The following ZUP1 variants were observed in gnomAD, a reference collection of about 807,000 sequenced individuals.
ZUP1 encodes zinc finger-containing ubiquitin peptidase 1.
Under a neutral mutation model 68.1 loss-of-function variants are expected in ZUP1, and 55 were observed. The ratio of observed to expected loss-of-function variants is 0.81; its 90% confidence interval spans 0.65 to 1.01. The LOEUF (loss-of-function observed/expected upper bound fraction) is 1.01, where lower values mean the gene tolerates loss of function less well. ZUP1 is among the 50% of genes least tolerant of loss of function. ZUP1 has a pLI of 0.00. For synonymous variants in ZUP1, 223 were observed against 221.5 expected, an observed-to-expected ratio of 1.01 and a Z score of -0.06; for missense variants, 684 against 674.9, an observed-to-expected ratio of 1.01 and a Z score of -0.15.
Position 116,651,601 on chromosome 6 carries a change from T to C in ZUP1, c.1287A>G (p.Val429=), listed in dbSNP as rs898094898. The C allele has an allele frequency of 3.1e-6, 5 of 1,613,784 alleles. No individual in the cohort carries two copies. Among genetic ancestry groups the C allele is most frequent in the African/African-American group, 2.7e-5 (2 of 75,048 alleles). The change falls in exon 7 of 10, where the codon GTA becomes GTG. Residue 429 remains valine (V), a synonymous_variant. Transcript: ENST00000368576. ...CCCTTAGGGAGGTCAGGAGTATATA[T>C]ACTTCACATGCTCCAATCCAGGCCT... is the stretch of plus-strand genomic sequence containing the variant. ...GTKAWIGACE[V]YILLTSLRVK...
intron 3 of ZUP1, 86 bp from the exon 4 acceptor site, chr6:116,659,010 TA>T: frequency 8.4e-7 from 1 of 1,197,560 alleles, no homozygotes; most frequent in Non-Finnish European, 1.1e-6. Flanking sequence ...TAAAATAGAG[TA>T]AATGCTGTTA....
At chr6:116,644,531 C>G (rs1402050326) in intron 9 of ZUP1, among the ~76,000 whole-genome samples, 1 of 152,040 alleles carries the variant, frequency 6.6e-6, no homozygotes, top group Non-Finnish European at 1.5e-5. Context: ...GAGTTCATGT[C>G]CTTTGTAGGG....
chr6:116,666,524 T>G, intron 2 of ZUP1, 110 bp downstream of exon 2: 1 of 771,684 alleles, frequency 1.3e-6, no homozygotes, highest in Non-Finnish European at 1.9e-6. Flanking sequence ...AGACATAAAA[T>G]GGATTTCAAA....
intron 7 of ZUP1, among the ~76,000 whole-genome samples, chr6:116,649,748 T>G (rs1345072497): frequency 6.6e-6 from 1 of 152,202 alleles, no homozygotes; most frequent in Non-Finnish European, 1.5e-5. Flanking sequence ...GCCTTCCACC[T>G]AAGACTTTTA....
At chr6:116,641,696 A>G (rs1776105582) in intron 9 of ZUP1, among the ~76,000 whole-genome samples, 1 of 152,238 alleles carries the variant, frequency 6.6e-6, no homozygotes, top group African/African-American at 2.4e-5. Flanking sequence ...AGCAGTGTGT[A>G]GAGGGAAATT....
chr6:116,657,785 A>C (rs552164806), intron 4 of ZUP1, among the ~76,000 whole-genome samples: 1 of 152,278 alleles, frequency 6.6e-6, no homozygotes, highest in Admixed American at 6.5e-5. Flanking sequence ...CTAAAAAAAG[A>C]ACATTTAAAA....
At chr6:116,654,859 T>G (rs554067828) in intron 5 of ZUP1, among the ~76,000 whole-genome samples, 1 of 152,142 alleles carries the variant, frequency 6.6e-6, no homozygotes, top group Non-Finnish European at 1.5e-5. Context: ...ATAGCAAAAA[T>G]TTAAAAGTGT....
intron 2 of ZUP1, among the ~76,000 whole-genome samples, chr6:116,664,624 G>A (rs867861346): frequency 2.0e-5 from 3 of 152,044 alleles, no homozygotes; most frequent in Non-Finnish European, 2.9e-5. Context: ...AATGAAGAAC[G>A]AGGGAAAAAC....
chr6:116,644,257 C>T (rs1363239796), intron 9 of ZUP1, among the ~76,000 whole-genome samples: 14 of 152,118 alleles, frequency 9.2e-5, no homozygotes, highest in Admixed American at 3.3e-4. Context: ...TAAACTAGTT[C>T]AACCATTGTG....
chr6:116,638,278 G>A (rs894874069), intron 9 of ZUP1, among the ~76,000 whole-genome samples: 1 of 151,838 alleles, frequency 6.6e-6, no homozygotes. Flanking sequence ...TTAATTTAGG[G>A]CTTACGCATT....
chr6:116,635,815 C>T lies in ZUP1; in HGVS notation c.*17G>A. ...AGTATTGTTCTCAATCACTGAAATG[C>T]TTAAATGCTTGATTCTTCAAGGAAT... On this transcript the variant is annotated 3_prime_UTR_variant, in exon 10 of 10. Coordinates refer to ENST00000368576, the MANE Select transcript of ZUP1 (RefSeq NM_145062.3). 1 of 1,596,580 alleles carries T rather than the reference C, an allele frequency of 6.3e-7. No homozygotes were observed. The highest frequency in any genetic ancestry group is 8.5e-7 in the Non-Finnish European group (1 of 1,173,468).
chr6:116,654,118 C>T (rs1046937496), intron 5 of ZUP1, among the ~76,000 whole-genome samples: 1 of 151,908 alleles, frequency 6.6e-6, no homozygotes, highest in Non-Finnish European at 1.5e-5. Flanking sequence ...TGCTTTTTTA[C>T]AGACATATTT....
At chr6:116,638,717 C>A (rs575938255) in intron 9 of ZUP1, among the ~76,000 whole-genome samples, 1 of 152,090 alleles carries the variant, frequency 6.6e-6, no homozygotes, top group Non-Finnish European at 1.5e-5. Flanking sequence ...CCAAGATGGC[C>A]GAATAGGAAC....
intron 2 of ZUP1, among the ~76,000 whole-genome samples, chr6:116,661,814 C>T (rs1251769805): frequency 1.3e-5 from 2 of 152,160 alleles, no homozygotes; most frequent in Admixed American, 6.5e-5. Flanking sequence ...ATATAAAACT[C>T]CCATAACAGA....
intron 2 of ZUP1, among the ~76,000 whole-genome samples, chr6:116,663,351 T>C (rs1583380064): frequency 6.6e-6 from 1 of 152,244 alleles, no homozygotes; most frequent in African/African-American, 2.4e-5. Flanking sequence ...ACCTGTTCCA[T>C]TTACTATAAC....
intron 7 of ZUP1, among the ~76,000 whole-genome samples, chr6:116,651,067 T>C (rs532867232): frequency 6.6e-6 from 1 of 152,068 alleles, no homozygotes; most frequent in South Asian, 2.1e-4. Flanking sequence ...ACATGACAGG[T>C]AGAGTGCAAA....
At chr6:116,648,123 C>T (rs1776370557) in intron 7 of ZUP1, among the ~76,000 whole-genome samples, 1 of 152,154 alleles carries the variant, frequency 6.6e-6, no homozygotes, top group Non-Finnish European at 1.5e-5. Flanking sequence ...ACAGAAAATA[C>T]TTGTAAATCA....
intron 9 of ZUP1, among the ~76,000 whole-genome samples, chr6:116,641,503 T>C (rs1176605953): frequency 6.6e-6 from 1 of 151,838 alleles, no homozygotes. Flanking sequence ...CAGACCACAG[T>C]GCAAGCAAAC....
At chr6:116,656,555 AAAC>A (rs1776668224) in intron 5 of ZUP1, 126 bp downstream of exon 5, 1 of 717,256 alleles carries the variant, frequency 1.4e-6, no homozygotes. Flanking sequence ...AGAAGTTTTA[AAAC>A]AATACATTTT....
Sources: allele counts gnomAD v4.1 joint callset (sites outside exome capture counted in the v4.1 genomes callset), GRCh38; gene constraint gnomAD v4.1.1; transcripts MANE v1.5; gene names NCBI Gene and HGNC (gene_info 2026-07-23, HGNC 2026-07-21).